EVA1C: variants seen among roughly 807,000 people sequenced by gnomAD.
EVA1C encodes the protein protein eva-1 homolog C.
Under a neutral mutation model 45.4 loss-of-function variants are expected in EVA1C, and 25 were observed. That is an observed-to-expected ratio of 0.55 (90% CI 0.40 to 0.77). EVA1C has a LOEUF of 0.77. Among genes scored for constraint, EVA1C ranks in the 30% least tolerant of loss-of-function variants. The pLI, the probability that EVA1C is intolerant of heterozygous loss-of-function variation, is 0.00. For missense variants in EVA1C, 479 were observed against 554.8 expected (o/e 0.86, Z 1.37); for synonymous variants, 190 against 221.2 (o/e 0.86, Z 1.25).
At chr21:32,503,164 A>G (rs1371932552) in intron 6 of EVA1C, among the ~76,000 whole-genome samples, 2 of 152,214 alleles carry the variant, frequency 1.3e-5, no homozygotes, top group Non-Finnish European at 2.9e-5. Flanking sequence ...TGTTGTTTCC[A>G]AAAAAAGTAG....
chr21:32,423,177 C>G (rs2034356202), intron 1 of EVA1C, among the ~76,000 whole-genome samples: 1 of 149,662 alleles, frequency 6.7e-6, no homozygotes, highest in South Asian at 2.1e-4. Flanking sequence ...GGAGTATAAT[C>G]TTTTTGTATT....
chr21:32,422,925 G>A (rs769469893), intron 1 of EVA1C, among the ~76,000 whole-genome samples: 3 of 151,850 alleles, frequency 2.0e-5, no homozygotes, highest in Non-Finnish European at 4.4e-5. Context: ...ACAAAAATTA[G>A]CTGGGCATGG....
At chr21:32,499,924 A>C (rs1050926878) in intron 5 of EVA1C, among the ~76,000 whole-genome samples, 2 of 151,446 alleles carry the variant, frequency 1.3e-5, no homozygotes, top group African/African-American at 4.9e-5. Flanking sequence ...AGTTCAGCAG[A>C]GTCTGAAACC....
chr21:32,503,561 T>C (rs1003081539), intron 6 of EVA1C, among the ~76,000 whole-genome samples: 6 of 151,864 alleles, frequency 4.0e-5, no homozygotes, highest in Admixed American at 2.6e-4. Flanking sequence ...AATAAATAAA[T>C]AAATAAAATA....
chr21:32,481,374 T>C (rs2036778081), intron 4 of EVA1C, among the ~76,000 whole-genome samples: 1 of 151,576 alleles, frequency 6.6e-6, no homozygotes, highest in African/African-American at 2.4e-5. Flanking sequence ...ATATAAGGAT[T>C]GTGGTTTAGT....
intron 1 of EVA1C, among the ~76,000 whole-genome samples, chr21:32,432,545 G>A (rs866333035): frequency 4.6e-5 from 7 of 152,268 alleles, no homozygotes; most frequent in African/African-American, 1.2e-4. Flanking sequence ...TGGGGTTAGC[G>A]AGAGGGGCAT....
In EVA1C at chr21:32,514,194, C is replaced by T. The variant is rs1295139795; in HGVS notation, c.950-620C>T. The stretch of plus-strand genomic sequence containing the variant: ...GGGAGGGGTCCTGGAACCAGTCCCC[C>T]ACGGGTACCAAGGGATGACTGTATA... On this transcript the variant is annotated intron_variant, in intron 7 of 7. Coordinates refer to ENST00000300255, the MANE Select transcript of EVA1C (RefSeq NM_058187.5). Among the ~76,000 whole-genome samples the T allele has an allele frequency of 2.0e-5, 3 of 152,170 alleles. No individual in the cohort carries two copies. In the East Asian group the frequency reaches 5.8e-4, roughly 29 times the overall value.
At chr21:32,503,824 A>C in intron 6 of EVA1C, 102 bp from the exon 7 acceptor site, 1 of 709,964 alleles carries the variant, frequency 1.4e-6, no homozygotes, top group Non-Finnish European at 2.3e-6. Flanking sequence ...TGTGACTTTT[A>C]ATTATTCCGG....
intron 3 of EVA1C, among the ~76,000 whole-genome samples, chr21:32,462,674 A>T (rs1394745185): frequency 6.6e-6 from 1 of 152,216 alleles, no homozygotes; most frequent in Non-Finnish European, 1.5e-5. Flanking sequence ...GTTTACTGGA[A>T]TGAGGGCAAG....
chr21:32,472,324 A>T (rs2036406545), intron 4 of EVA1C, among the ~76,000 whole-genome samples: 1 of 151,974 alleles, frequency 6.6e-6, no homozygotes, highest in Non-Finnish European at 1.5e-5. Flanking sequence ...ACACCCAGCT[A>T]ATTTTTGTAT....
In EVA1C at chr21:32,454,598, T is replaced by TG. The variant is rs762940805; in HGVS notation, c.357+1092dup. Among the ~76,000 whole-genome samples, 231 of 136,672 alleles carry TG rather than the reference T, an allele frequency of 1.7e-3. 1 individual carries two copies. The highest frequency in any genetic ancestry group is 3.1e-3 in the Non-Finnish European group (194 of 62,516). 89.7% of individuals were successfully genotyped at this position (136,672 alleles called of 152,430 possible). ...CCAGGATTACTGAGTCACTTGGCCT[T>TG]GGATTTTTTTTTTTATGCCTCCCAA... On this transcript the variant is annotated intron_variant, in intron 2 of 7. Transcript: ENST00000300255.
chr21:32,466,405 C>T lies in EVA1C; in HGVS notation c.482-1291C>T, dbSNP rs139269272. Among the ~76,000 whole-genome samples, 1,119 of 137,528 alleles carry T rather than the reference C, an allele frequency of 8.1e-3. 18 individuals are homozygous for T. Among genetic ancestry groups the T allele is most frequent in the Admixed American group, 0.043 (538 of 12,588 alleles). The allele number at this position is 137,528 out of a possible 152,430, so 90.2% of individuals were successfully genotyped here. A position where few individuals can be genotyped will look rare whatever the true frequency, so the allele number is the denominator to read the frequency against. On this transcript the variant is annotated intron_variant, in intron 3 of 7. Transcript: ENST00000300255. Reference sequence around the variant, plus strand: ...CTGCACTCCAGCCTGGGCGACAGAGCGAGATTCCGTCTCAAAAAAAAAAAA... The same window carrying T: ...CTGCACTCCAGCCTGGGCGACAGAGTGAGATTCCGTCTCAAAAAAAAAAAA...
At chr21:32,481,451 T>A (rs371357875) in intron 4 of EVA1C, among the ~76,000 whole-genome samples, 12 of 113,618 alleles carry the variant, frequency 1.1e-4, no homozygotes, top group African/African-American at 2.1e-4. Flanking sequence ...AAACCCCAAA[T>A]AAAACAAAGC....
At chr21:32,503,144 C>T (rs1341559410) in intron 6 of EVA1C, among the ~76,000 whole-genome samples, 3 of 152,222 alleles carry the variant, frequency 2.0e-5, no homozygotes, top group African/African-American at 7.2e-5. Flanking sequence ...AGATTTGCCC[C>T]ACATTTTGCT....
At chr21:32,500,634 C>G (rs1324052857) in intron 5 of EVA1C, among the ~76,000 whole-genome samples, 1 of 152,098 alleles carries the variant, frequency 6.6e-6, no homozygotes, top group Non-Finnish European at 1.5e-5. Context: ...TTCCCACCCC[C>G]CCGGTCCCAG....
chr21:32,442,869 T>C (rs1274053430), intron 1 of EVA1C, among the ~76,000 whole-genome samples: 1 of 151,954 alleles, frequency 6.6e-6, no homozygotes, highest in Non-Finnish European at 1.5e-5. Context: ...TCAGATTGCA[T>C]TGGAAGCCTC....
chr21:32,458,482 CTTTT>C (rs60556962), intron 3 of EVA1C, among the ~76,000 whole-genome samples: 2 of 142,632 alleles, frequency 1.4e-5, no homozygotes, highest in East Asian at 2.0e-4. Flanking sequence ...AAGTTAAGCA[CTTTT>C]TTTTTTTTTT....
chr21:32,437,048 T>C (rs1401694235), intron 1 of EVA1C, among the ~76,000 whole-genome samples: 2 of 152,170 alleles, frequency 1.3e-5, no homozygotes, highest in Admixed American at 6.5e-5. Context: ...TAGTCCCAGC[T>C]ACTTGGGAGG....
chr21:32,462,874 A>C (rs2036049803), intron 3 of EVA1C, among the ~76,000 whole-genome samples: 1 of 152,222 alleles, frequency 6.6e-6, no homozygotes, highest in African/African-American at 2.4e-5. Context: ...ATCTATAGAA[A>C]CAATGCTTAT....
Sources: gnomAD v4.1 joint callset for allele counts (sites outside exome capture counted in the v4.1 genomes callset) on GRCh38, gnomAD v4.1.1 for gene constraint, MANE v1.5 for transcripts, NCBI Gene and HGNC (gene_info 2026-07-23, HGNC 2026-07-21) for gene names.